The following RUNX2 variants were observed in gnomAD, a reference collection of about 807,000 sequenced individuals.
RUNX2 encodes RUNX family transcription factor 2.
In RUNX2, 10 loss-of-function variants were observed where a neutral mutation model predicts 51.7. The ratio of observed to expected loss-of-function variants is 0.19; its 90% CI spans 0.12 to 0.33. The LOEUF (loss-of-function observed/expected upper bound fraction) is 0.33, where lower values mean the gene tolerates loss of function less well. Ranked by LOEUF, RUNX2 falls within the 10% of genes least tolerant of loss-of-function variation. The pLI is 1.00. For synonymous variants in RUNX2, 276 were observed against 273.6 expected, an observed-to-expected ratio of 1.01 and a Z score of -0.09; for missense variants, 562 against 691.3, an observed-to-expected ratio of 0.81 and a Z score of 2.10.
intron 8 of RUNX2, 83 bp from the exon 9 acceptor site, chr6:45,546,744 C>CTT: frequency 1.6e-6 from 2 of 1,236,248 alleles, no homozygotes; most frequent in Non-Finnish European, 2.4e-6. Flanking sequence ...AAAGTTTTCT[C>CTT]TTTTTTTTTC....
chr6:45,392,630 G>A (rs1301486885), intron 2 of RUNX2, among the ~76,000 whole-genome samples: 3 of 151,788 alleles, frequency 2.0e-5, no homozygotes, highest in East Asian at 1.9e-4. Flanking sequence ...GGGAGGGTCA[G>A]AAGAAAAAGA....
chr6:45,454,252 G>A (rs1438231371), intron 5 of RUNX2, among the ~76,000 whole-genome samples: 1 of 152,212 alleles, frequency 6.6e-6, no homozygotes, highest in Non-Finnish European at 1.5e-5. Flanking sequence ...TCAGATATAG[G>A]TGGAGAAGCC....
intron 6 of RUNX2, among the ~76,000 whole-genome samples, chr6:45,492,650 G>A (rs1051611363): frequency 6.6e-6 from 1 of 152,150 alleles, no homozygotes; most frequent in Non-Finnish European, 1.5e-5. Context: ...TTCTCCATTA[G>A]ACATTTCTCT....
At chr6:45,494,108 A>G (rs1056330256) in intron 6 of RUNX2, among the ~76,000 whole-genome samples, 23 of 152,224 alleles carry the variant, frequency 1.5e-4, no homozygotes, top group Non-Finnish European at 1.5e-5. Flanking sequence ...CAATGGCTGG[A>G]AAAATTGTGA....
At chr6:45,437,920 G>GTC (rs1798731050) in intron 4 of RUNX2, 27 bp from the exon 5 acceptor site, 1 of 1,491,562 alleles carries the variant, frequency 6.7e-7, no homozygotes, top group African/African-American at 1.4e-5. Context: ...AATATTCACT[G>GTC]TATATTTTCC....
In RUNX2 at chr6:45,333,271, A is replaced by C. The variant is rs541855781; in HGVS notation, c.58+4487A>C. Among the ~76,000 whole-genome samples, 122 of 151,766 alleles carry C rather than the reference A, an allele frequency of 8.0e-4. 1 individual carries two copies. Among genetic ancestry groups the C allele is most frequent in the African/African-American group, 2.2e-3 (90 of 41,532 alleles). ...ACAGGGAAATTCTATACCTTATTAA[A>C]AGGGAGTTTCCTTACATTTTTAACC... is the stretch of plus-strand genomic sequence containing the variant. On this transcript the variant is annotated intron_variant, in intron 2 of 8. Transcript: ENST00000647337.
chr6:45,545,358 T>A, intron 8 of RUNX2, 76 bp downstream of exon 8: 1 of 1,474,750 alleles, frequency 6.8e-7, no homozygotes, highest in Non-Finnish European at 9.1e-7. Context: ...GTCCGATTTG[T>A]GAGTTTTGTT....
chr6:45,442,767 TA>T (rs1243774833), intron 5 of RUNX2, among the ~76,000 whole-genome samples: 1 of 152,210 alleles, frequency 6.6e-6, no homozygotes, highest in Non-Finnish European at 1.5e-5. Flanking sequence ...GCTTGGGGTC[TA>T]TCATGTAGCT....
At chr6:45,384,542 C>T (rs1652307292) in intron 2 of RUNX2, among the ~76,000 whole-genome samples, 1 of 151,968 alleles carries the variant, frequency 6.6e-6, no homozygotes, top group African/African-American at 2.4e-5. Context: ...ACCTTGGCCT[C>T]CCAAAGTGCT....
chr6:45,358,871 A>C (rs1273566819), intron 2 of RUNX2, among the ~76,000 whole-genome samples: 1 of 152,160 alleles, frequency 6.6e-6, no homozygotes, highest in Non-Finnish European at 1.5e-5. Context: ...TACAGCATGG[A>C]TCTACCATCA....
At chr6:45,427,692 A>G (rs1200120977) in intron 3 of RUNX2, among the ~76,000 whole-genome samples, 1 of 152,150 alleles carries the variant, frequency 6.6e-6, no homozygotes. Flanking sequence ...GGCCTATAAG[A>G]GTAATTGATT....
chr6:45,432,353 G>T (rs949966607), intron 4 of RUNX2, among the ~76,000 whole-genome samples: 2 of 152,074 alleles, frequency 1.3e-5, no homozygotes, highest in East Asian at 3.9e-4. Context: ...AGTGGTAAAG[G>T]GGAAAGAAAA....
intron 2 of RUNX2, among the ~76,000 whole-genome samples, chr6:45,381,825 T>C (rs1040018125): frequency 4.6e-5 from 7 of 152,162 alleles, no homozygotes; most frequent in African/African-American, 1.7e-4. Flanking sequence ...ATTATTAAGG[T>C]GTAATCAAAT....
intron 5 of RUNX2, among the ~76,000 whole-genome samples, chr6:45,491,402 T>C (rs192415607): frequency 2.0e-5 from 3 of 152,312 alleles, no homozygotes; most frequent in Non-Finnish European, 2.9e-5. Context: ...GGTTTGAGTT[T>C]TAATTTTCCA....
At chr6:45,542,934 C>T (rs1187276479) in intron 7 of RUNX2, among the ~76,000 whole-genome samples, 1 of 152,130 alleles carries the variant, frequency 6.6e-6, no homozygotes, top group Non-Finnish European at 1.5e-5. Flanking sequence ...GTTAGATTTG[C>T]ATTACCTAAG....
intron 2 of RUNX2, among the ~76,000 whole-genome samples, chr6:45,418,666 T>G (rs1389608569): frequency 6.6e-6 from 1 of 152,180 alleles, no homozygotes; most frequent in African/African-American, 2.4e-5. Flanking sequence ...TTAAGCATAA[T>G]GCTCAGAGCC....
In RUNX2 at chr6:45,547,163, C is replaced by A; in HGVS notation, c.1424C>A (p.Thr475Asn). The change falls in exon 9 of 9, where the codon ACC becomes AAC. Residue 475 changes from threonine to asparagine, a missense_variant. By Grantham distance (65) the Thr-to-Asn change is moderately conservative (BLOSUM62 0). Transcript: ENST00000647337. ...SPSRMLPPCT[T>N]TSNGSTLLNP... ...TCCAGAATGCTTCCGCCATGCACCA[C>A]CACCTCGAATGGCAGCACGCTATTA... is the stretch of plus-strand genomic sequence containing the variant. The A allele has an allele frequency of 6.2e-7, 1 of 1,614,180 alleles. No individual in the cohort carries two copies. The highest frequency in any genetic ancestry group is 8.5e-7 in the Non-Finnish European group (1 of 1,180,030).
intron 6 of RUNX2, among the ~76,000 whole-genome samples, chr6:45,493,899 T>C (rs899020024): frequency 6.6e-6 from 1 of 152,202 alleles, no homozygotes; most frequent in Non-Finnish European, 1.5e-5. Flanking sequence ...GTTTGATTTC[T>C]GTATTCTGAT....
At chr6:45,376,769 T>C (rs1796834545) in intron 2 of RUNX2, among the ~76,000 whole-genome samples, 3 of 152,206 alleles carry the variant, frequency 2.0e-5, no homozygotes, top group South Asian at 2.1e-4. Context: ...TTCAAGTAAA[T>C]CTTTGCAGGG....
Sources: gnomAD v4.1 joint callset for allele counts (sites outside exome capture counted in the v4.1 genomes callset) on GRCh38, gnomAD v4.1.1 for gene constraint, MANE v1.5 for transcripts, NCBI Gene and HGNC (gene_info 2026-07-23, HGNC 2026-07-21) for gene names.